Variants in PCLO observed in about 807,000 individuals in gnomAD.
PCLO encodes the protein protein piccolo.
Under a neutral mutation model 427.5 loss-of-function variants are expected in PCLO, and 82 were observed. That is an observed-to-expected ratio of 0.19 (90% confidence interval 0.16 to 0.23). The LOEUF is 0.23. Among genes scored for constraint, PCLO ranks in the 10% least tolerant of loss-of-function variants. The pLI, the probability that PCLO is intolerant of heterozygous loss-of-function variation, is 1.00. For missense variants in PCLO, 6,239 were observed against 6,115.9 expected (o/e 1.02, Z -0.67); for synonymous variants, 2,357 against 2,155.4 (o/e 1.09, Z -2.59).
At position 83,092,740 on chromosome 7, in the gene PCLO, G is replaced by T. The variant is rs764464879; in HGVS notation, c.3300+41510C>A. Among the ~76,000 whole-genome samples, 5 of 152,112 alleles carry T rather than the reference G, an allele frequency of 3.3e-5. No individual in the cohort carries two copies. The East Asian group carries it at 9.7e-4, about 30-fold the overall frequency. ...CGAGGCAGGGGGATCATGAGGTCAG[G>T]AGTTTGAGACCAGCCTGGCCAACAT... On this transcript the variant is annotated intron_variant, in intron 3 of 24. Transcript: ENST00000333891.
At chr7:83,096,940 T>TATATATTATATAAATAATATAATATA (rs1790577242) in intron 3 of PCLO, among the ~76,000 whole-genome samples, 2 of 54,424 alleles carry the variant, frequency 3.7e-5, no homozygotes, top group Non-Finnish European at 6.0e-5. Context: ...TATAATATAT[T>TATATATTATATAAATAATATAATATA]ATATATTATA....
chr7:82,896,660 T>C (rs1174534941), intron 9 of PCLO, among the ~76,000 whole-genome samples: 3 of 147,766 alleles, frequency 2.0e-5, no homozygotes, highest in African/African-American at 5.0e-5. Flanking sequence ...TCCAAGAAAA[T>C]TGTTAAAATA....
intron 14 of PCLO, among the ~76,000 whole-genome samples, chr7:82,839,509 C>T (rs1792313087): frequency 6.6e-6 from 1 of 152,032 alleles, no homozygotes; most frequent in Non-Finnish European, 1.5e-5. Flanking sequence ...TGCCATCATG[C>T]AGCAACTGTA....
At chr7:82,777,122 C>A (rs1055193429) in intron 22 of PCLO, among the ~76,000 whole-genome samples, 1 of 151,978 alleles carries the variant, frequency 6.6e-6, no homozygotes, top group African/African-American at 2.4e-5. Flanking sequence ...TTTCAAAGAA[C>A]TTCTTGATTT....
At chr7:83,030,527 A>C (rs1788641240) in intron 3 of PCLO, among the ~76,000 whole-genome samples, 1 of 152,134 alleles carries the variant, frequency 6.6e-6, no homozygotes, top group South Asian at 2.1e-4. Context: ...GTGTCTGTTC[A>C]ATTTATACTG....
In PCLO at chr7:83,103,204, C is replaced by T. The variant is rs146274144; in HGVS notation, c.3300+31046G>A. ...AGCAACTATTGTTTTTGAGAAGATGCACTAACTGTAATCTACTCCAATCTA... is the reference window on the plus strand; with the variant it reads ...AGCAACTATTGTTTTTGAGAAGATGTACTAACTGTAATCTACTCCAATCTA... On this transcript the variant is annotated intron_variant, in intron 3 of 24. Transcript: ENST00000333891. Among the ~76,000 whole-genome samples, 787 of 151,918 alleles carry T rather than the reference C, an allele frequency of 5.2e-3. 10 individuals are homozygous for T. Among genetic ancestry groups the T allele is most frequent in the African/African-American group, 0.018 (745 of 41,496 alleles).
intron 22 of PCLO, among the ~76,000 whole-genome samples, chr7:82,778,424 A>G (rs976522373): frequency 3.3e-5 from 5 of 152,170 alleles, no homozygotes; most frequent in Admixed American, 1.3e-4. Context: ...GTATATACTC[A>G]AAGGAATATA....
intron 2 of PCLO, among the ~76,000 whole-genome samples, chr7:83,146,487 A>G (rs1437892422): frequency 6.6e-6 from 1 of 152,252 alleles, no homozygotes; most frequent in Non-Finnish European, 1.5e-5. Context: ...TTAGTTATAA[A>G]TTAAAGATGT....
chr7:83,100,975 T>C (rs1790722978), intron 3 of PCLO, among the ~76,000 whole-genome samples: 1 of 152,116 alleles, frequency 6.6e-6, no homozygotes, highest in African/African-American at 2.4e-5. Context: ...GTACAAAATA[T>C]TAATATTTGG....
intron 3 of PCLO, among the ~76,000 whole-genome samples, chr7:83,125,897 T>TA (rs200113131): frequency 0.05 from 7,449 of 150,166 alleles, 235 homozygotes; most frequent in African/African-American, 0.091. Context: ...CTAAAAAAAT[T>TA]AAAAAAAAAT....
chr7:82,955,660 G>T lies in PCLO; in HGVS notation c.5293C>A (p.Pro1765Thr), dbSNP rs776887181. 1 of 1,613,832 alleles carries T rather than the reference G, an allele frequency of 6.2e-7. No individual in the cohort carries two copies. The highest frequency in any genetic ancestry group is 1.1e-5 in the South Asian group (1 of 91,078). ...GAATCTTCAATAGTAGGCAAAAGAG[G>T]GCCATGTGGTCTGTGCCGAGCTTTG... The part of the protein sequence containing the change: ...QRKARHRPHG[P>T]LLPTIEDSSE... Residue 1765 changes from proline to threonine, a missense_variant, in exon 5 of 25, where the codon CCT becomes ACT. By Grantham distance (38) the Pro-to-Thr change is conservative (BLOSUM62 -1). Around this residue, in one of 5 missense-constraint regions of PCLO, gnomAD observed 4,677 missense variants for 4,468.4 expected, o/e 1.05. Coordinates refer to ENST00000333891, the MANE Select transcript of PCLO (RefSeq NM_033026.6).
At chr7:83,010,773 C>T (rs541597094) in intron 3 of PCLO, among the ~76,000 whole-genome samples, 20 of 151,738 alleles carry the variant, frequency 1.3e-4, no homozygotes, top group South Asian at 1.0e-3. Flanking sequence ...TGTCACTCTC[C>T]GCCTATAATA....
Position 82,915,586 on chromosome 7 carries a change from T to C in PCLO, c.12400A>G (p.Arg4134Gly). 3 of 1,613,568 alleles carry C rather than the reference T, an allele frequency of 1.9e-6. No individual in the cohort carries two copies. The highest frequency in any genetic ancestry group is 2.5e-6 in the Non-Finnish European group (3 of 1,179,668). Residue 4134 changes from arginine to glycine, a missense_variant, in exon 7 of 25, where the codon AGA becomes GGA. By Grantham distance (125) the Arg-to-Gly change is moderately radical. Coordinates refer to ENST00000333891, the MANE Select transcript of PCLO (RefSeq NM_033026.6). Reference sequence around the variant, plus strand: ...AGGTGATCTAAGCTCTCTGTCCCTCTACGAAATTCCTGTTTAATCTGATGT... The same window carrying C: ...AGGTGATCTAAGCTCTCTGTCCCTCCACGAAATTCCTGTTTAATCTGATGT... ...LKHQIKQEFR[R>G]GTESLDHLAG... is the part of the protein sequence containing the mutation.
intron 3 of PCLO, among the ~76,000 whole-genome samples, chr7:82,975,619 A>C (rs901560626): frequency 6.6e-6 from 1 of 152,182 alleles, no homozygotes; most frequent in African/African-American, 2.4e-5. Context: ...AAACTTGTCT[A>C]GGTTGAACTA....
intron 2 of PCLO, among the ~76,000 whole-genome samples, chr7:83,143,108 T>C (rs1791904804): frequency 6.6e-6 from 1 of 152,220 alleles, no homozygotes; most frequent in Non-Finnish European, 1.5e-5. Flanking sequence ...GACCTTCTAT[T>C]ACTTTGAATA....
intron 3 of PCLO, among the ~76,000 whole-genome samples, chr7:83,125,322 G>A (rs919024464): frequency 1.1e-4 from 16 of 152,030 alleles, no homozygotes; most frequent in Admixed American, 4.6e-4. Context: ...GGGCACCCCC[G>A]CCCGGCAGCC....
At chr7:83,076,442 T>C (rs1306655348) in intron 3 of PCLO, among the ~76,000 whole-genome samples, 5 of 151,920 alleles carry the variant, frequency 3.3e-5, no homozygotes, top group Non-Finnish European at 7.4e-5. Flanking sequence ...TTTGTATTTT[T>C]AGTAGAGACA....
chr7:82,966,223 C>G lies in PCLO; in HGVS notation c.3565G>C (p.Val1189Leu). Residue 1189 changes from valine (V) to leucine (L), a missense_variant, in exon 4 of 25, where the codon GTA becomes CTA. By Grantham distance (32) the Val-to-Leu change is conservative (BLOSUM62 1). Transcript: ENST00000333891. ...TLSMEKIPPM[V>L]TTDQKQEESK... is the part of the protein sequence containing the mutation. Reference sequence around the variant, plus strand: ...TCTTCTTGTTTTTGATCTGTGGTTACCATAGGAGGAATTTTTTCCATTGAT... The same window carrying G: ...TCTTCTTGTTTTTGATCTGTGGTTAGCATAGGAGGAATTTTTTCCATTGAT... The G allele has an allele frequency of 6.2e-7, 1 of 1,604,134 alleles. No individual in the cohort carries two copies. The highest frequency in any genetic ancestry group is 2.3e-5 in the East Asian group (1 of 44,172).
At chr7:82,771,271 C>T (rs1023100603) in intron 22 of PCLO, among the ~76,000 whole-genome samples, 1 of 151,644 alleles carries the variant, frequency 6.6e-6, no homozygotes, top group African/African-American at 2.4e-5. Flanking sequence ...TGTTTGAGTC[C>T]AGTTTTCACT....
Sources: allele counts gnomAD v4.1 joint callset (sites outside exome capture counted in the v4.1 genomes callset), GRCh38; gene constraint gnomAD v4.1.1; regional missense constraint gnomAD v4.1.1; transcripts MANE v1.5; gene names NCBI Gene and HGNC (gene_info 2026-07-23, HGNC 2026-07-21).